Variants in CCDC7 observed in about 807,000 individuals in gnomAD.
CCDC7 encodes coiled-coil domain-containing protein 7.
In CCDC7, 183 loss-of-function variants were observed where a neutral mutation model predicts 196.9. The ratio of observed to expected loss-of-function variants is 0.93; its 90% confidence interval spans 0.82 to 1.05. CCDC7 has a LOEUF of 1.05. Ranked by LOEUF, CCDC7 falls within the 50% of genes least tolerant of loss-of-function variation. The pLI is 0.00. For synonymous variants in CCDC7, 525 were observed against 484.6 expected (o/e 1.08, Z -1.10); for missense variants, 1,540 against 1,482.2 (o/e 1.04, Z -0.64).
intron 9 of CCDC7, among the ~76,000 whole-genome samples, chr10:32,503,281 G>A (rs934824958): frequency 6.6e-6 from 1 of 152,084 alleles, no homozygotes. Flanking sequence ...TAGCTATGGG[G>A]TTCTGATATA....
chr10:32,874,670 T>C (rs1211319040), intron 41 of CCDC7, among the ~76,000 whole-genome samples: 7 of 150,006 alleles, frequency 4.7e-5, no homozygotes, highest in Admixed American at 6.7e-5. Context: ...TATATATATA[T>C]ACATACACAC....
At chr10:32,597,682 T>C (rs2060535188) in intron 18 of CCDC7, among the ~76,000 whole-genome samples, 1 of 152,220 alleles carries the variant, frequency 6.6e-6, no homozygotes, top group Non-Finnish European at 1.5e-5. Context: ...TTGATGATGC[T>C]GACGCACAGA....
At chr10:32,511,267 G>GC in intron 9 of CCDC7, 1 of 553,510 alleles carries the variant, frequency 1.8e-6, no homozygotes, top group African/African-American at 2.3e-5. Flanking sequence ...GGGGCGGGGG[G>GC]GGCGGGGAAA....
At chr10:32,585,158 C>T (rs1185619724) in intron 18 of CCDC7, among the ~76,000 whole-genome samples, 1 of 151,828 alleles carries the variant, frequency 6.6e-6, no homozygotes, top group Non-Finnish European at 1.5e-5. Context: ...ACTGCAAGCT[C>T]CGCCTCCCGG....
chr10:32,698,893 A>G (rs1018349265), intron 24 of CCDC7, among the ~76,000 whole-genome samples: 3 of 152,108 alleles, frequency 2.0e-5, no homozygotes. Context: ...TCTCCAAGAC[A>G]CATAATTGTC....
intron 29 of CCDC7, among the ~76,000 whole-genome samples, chr10:32,791,401 A>G (rs1355095587): frequency 1.3e-5 from 2 of 152,208 alleles, no homozygotes; most frequent in African/African-American, 2.4e-5. Flanking sequence ...AAATTTCCTG[A>G]AAAGGAATTC....
At chr10:32,594,018 T>A (rs953017009) in intron 18 of CCDC7, among the ~76,000 whole-genome samples, 2 of 152,190 alleles carry the variant, frequency 1.3e-5, no homozygotes, top group African/African-American at 4.8e-5. Context: ...CTTAGGATTG[T>A]CTTGGCAATG....
intron 18 of CCDC7, among the ~76,000 whole-genome samples, chr10:32,592,043 C>G (rs989567056): frequency 2.6e-5 from 4 of 152,186 alleles, no homozygotes; most frequent in Non-Finnish European, 5.9e-5. Flanking sequence ...TCTTGCTCCA[C>G]TTCCTCTATA....
chr10:32,558,656 C>T (rs1056676145), intron 13 of CCDC7, among the ~76,000 whole-genome samples: 15 of 152,316 alleles, frequency 9.8e-5, no homozygotes, highest in Middle Eastern at 3.4e-3. Flanking sequence ...CAAATGTCAC[C>T]TTCCGTCAAG....
intron 28 of CCDC7, among the ~76,000 whole-genome samples, chr10:32,742,985 A>G (rs2133207664): frequency 6.6e-6 from 1 of 152,340 alleles, no homozygotes; most frequent in South Asian, 2.1e-4. Flanking sequence ...TCAGTGGCCT[A>G]GTGGCTAATT....
chr10:32,688,972 GCA>G, intron 22 of CCDC7, 79 bp from the exon 24 acceptor site: 1 of 855,802 alleles, frequency 1.2e-6, no homozygotes, highest in Non-Finnish European at 1.9e-6. Context: ...AAATGCCACT[GCA>G]CATTCGTAAA....
intron 9 of CCDC7, among the ~76,000 whole-genome samples, chr10:32,507,155 G>A (rs1456674758): frequency 6.6e-6 from 1 of 151,974 alleles, no homozygotes; most frequent in Non-Finnish European, 1.5e-5. Flanking sequence ...ACCACACCCA[G>A]CTAATTTTTG....
chr10:32,477,176 T>C (rs989771377), intron 8 of CCDC7, among the ~76,000 whole-genome samples: 6 of 152,132 alleles, frequency 3.9e-5, no homozygotes, highest in Non-Finnish European at 7.3e-5. Context: ...TTTATAGTTT[T>C]GCATTTTACA....
intron 13 of CCDC7, among the ~76,000 whole-genome samples, chr10:32,556,471 A>G (rs1298820756): frequency 6.6e-6 from 1 of 152,090 alleles, no homozygotes; most frequent in African/African-American, 2.4e-5. Flanking sequence ...TTTTATCTAT[A>G]TCAAGGGAGT....
At chr10:32,629,087 A>G (rs1170106741) in intron 18 of CCDC7, among the ~76,000 whole-genome samples, 1 of 152,088 alleles carries the variant, frequency 6.6e-6, no homozygotes, top group Non-Finnish European at 1.5e-5. Flanking sequence ...CCATTGTTGA[A>G]AGTGGAGTAT....
intron 13 of CCDC7, among the ~76,000 whole-genome samples, chr10:32,551,435 T>G (rs1337081130): frequency 6.6e-6 from 1 of 152,140 alleles, no homozygotes; most frequent in African/African-American, 2.4e-5. Flanking sequence ...TTTCTTCTGC[T>G]GGGTTTGGGT....
In CCDC7 at chr10:32,505,031, C is replaced by T. The variant is rs1425518080; in HGVS notation, c.873-12914C>T. On this transcript the variant is annotated intron_variant, in intron 9 of 41. Transcript: ENST00000639629. ...CTGTAAATAGGCTATTATTATATTG[C>T]TGTCTGTCTCTCGATTCAGATCTAT... 3.9e-5 allele frequency among the ~76,000 whole-genome samples: 6 copies of T among 152,148 alleles called. No homozygotes were observed. The South Asian group carries it at 6.2e-4, about 16-fold the overall frequency.
At chr10:32,447,187 C>G (rs923730121), upstream of CCDC7, among the ~76,000 whole-genome samples, 3 of 152,212 alleles carry the variant, frequency 2.0e-5, no homozygotes, top group Admixed American at 1.3e-4. Flanking sequence ...ATATTTACCT[C>G]GATCATTCTA....
chr10:32,659,656 A>C (rs2070802722), intron 20 of CCDC7, among the ~76,000 whole-genome samples: 1 of 152,196 alleles, frequency 6.6e-6, no homozygotes, highest in Non-Finnish European at 1.5e-5. Flanking sequence ...AACCCCATTA[A>C]AAAGTGGGCA....
Sources: allele counts gnomAD v4.1 joint callset (sites outside exome capture counted in the v4.1 genomes callset), GRCh38; gene constraint gnomAD v4.1.1; transcripts MANE v1.5; gene names NCBI Gene and HGNC (gene_info 2026-07-23, HGNC 2026-07-21).